Variants in SYNM observed in about 807,000 individuals in gnomAD.
The protein encoded by SYNM is synemin.
A neutral mutation model predicts 104.0 loss-of-function variants in SYNM; 95 were observed. The ratio of observed to expected loss-of-function variants is 0.91; its 90% confidence interval spans 0.77 to 1.08. SYNM has a LOEUF of 1.08. Among genes scored for constraint, SYNM ranks in the 50% least tolerant of loss-of-function variants. SYNM has a pLI of 0.00. For missense variants in SYNM, 2,150 were observed against 2,052.2 expected, an observed-to-expected ratio of 1.05 and a Z score of -0.92; for synonymous variants, 918 against 869.0, an observed-to-expected ratio of 1.06 and a Z score of -0.99.
At chr15:99,139,869 C>T (rs2068026670), downstream of SYNM, 1 of 743,366 alleles carries the variant, frequency 1.3e-6, no homozygotes, top group Admixed American at 3.2e-5. Flanking sequence ...ACCAAATATT[C>T]AGCTTATGGA....
intron 3 of SYNM, among the ~76,000 whole-genome samples, chr15:99,128,135 C>A (rs2067464384): frequency 6.6e-6 from 1 of 152,108 alleles, no homozygotes; most frequent in African/African-American, 2.4e-5. Flanking sequence ...ATAAAAATTA[C>A]TAGTTGGGAA....
intron 1 of SYNM, among the ~76,000 whole-genome samples, chr15:99,113,072 C>G (rs1252685644): frequency 1.3e-5 from 2 of 152,176 alleles, no homozygotes; most frequent in African/African-American, 2.4e-5. Context: ...GCATTTCTCC[C>G]CAGATGATCT....
chr15:99,140,380 A>G (rs2068086331), downstream of SYNM: 1 of 152,052 alleles, frequency 6.6e-6, no homozygotes, highest in South Asian at 2.1e-4. Context: ...ATATATATAT[A>G]TATTTTTTGA....
downstream of SYNM, chr15:99,139,635 T>G (rs115010049): frequency 5.0e-4 from 749 of 1,494,836 alleles, 5 homozygotes; most frequent in African/African-American, 9.6e-3. Flanking sequence ...ACTATCTGTA[T>G]GCAAAAAATA....
downstream of SYNM, chr15:99,139,418 C>T (rs1555489013): frequency 6.2e-7 from 1 of 1,614,088 alleles, no homozygotes; most frequent in Non-Finnish European, 8.5e-7. Flanking sequence ...CACCAAGCAG[C>T]TATCATGAGG....
chr15:99,127,059 C>T (rs576184068), intron 3 of SYNM, among the ~76,000 whole-genome samples: 2 of 152,168 alleles, frequency 1.3e-5, no homozygotes, highest in South Asian at 4.1e-4. Flanking sequence ...TGGCACTGGG[C>T]AGTGTGAGGG....
intron 2 of SYNM, among the ~76,000 whole-genome samples, chr15:99,126,223 C>T (rs1596131365): frequency 6.6e-6 from 1 of 152,182 alleles, no homozygotes; most frequent in East Asian, 1.9e-4. Flanking sequence ...GTCTGGCTGC[C>T]TTATAAGTGT....
chr15:99,139,654 A>C (rs1555489236), downstream of SYNM: 12 of 1,456,918 alleles, frequency 8.2e-6, no homozygotes, highest in Non-Finnish European at 1.1e-5. Context: ...TAGATTTAAA[A>C]GTAGTATTTT....
rs191693164 is a variant in SYNM, at chr15:99,119,867, C to T, written c.935+6152C>T. 1.1e-4 allele frequency among the ~76,000 whole-genome samples: 16 copies of T among 152,310 alleles called. No homozygotes were observed. The East Asian group carries it at 2.7e-3, about 26-fold the overall frequency. On this transcript the variant is annotated intron_variant, in intron 2 of 3. Transcript: ENST00000336292. ...CCATTTGAGTTCTCCAGTGAACATG[C>T]GACTACATTTGCTTTATCTCATGAC...
rs1296957676 is a variant in SYNM at position 99,105,509 on chromosome 15, G to A, written c.310G>A (p.Ala104Thr). ...ELQRLDAEERAARGRLDAELG... is the reference protein window; with the variant it reads ...ELQRLDAEERTARGRLDAELG... ...GCAGCGCCTGGATGCGGAGGAGCGC[G>A]CCGCCCGCGGCCGCCTGGACGCCGA... The change falls in exon 1 of 4, where the codon GCC becomes ACC. Residue 104 changes from alanine (A) to threonine (T), a missense_variant. By Grantham distance (58) the Ala-to-Thr change is moderately conservative. Coordinates refer to ENST00000336292, the MANE Select transcript of SYNM (RefSeq NM_145728.3). 4 of 1,266,906 alleles carry A rather than the reference G, an allele frequency of 3.2e-6. No homozygotes were observed. Among genetic ancestry groups the A allele is most frequent in the South Asian group, 5.3e-5 (2 of 37,916 alleles). 78.5% of individuals were successfully genotyped at this position (1,266,906 alleles called of 1,614,324 possible).
downstream of SYNM, among the ~76,000 whole-genome samples, chr15:99,138,971 C>T (rs531556658): frequency 1.6e-4 from 24 of 152,182 alleles, no homozygotes; most frequent in Admixed American, 7.8e-4. Context: ...CCAGTCCTGA[C>T]GGGCATCCGA....
Position 99,132,036 on chromosome 15 carries a change from A to G in SYNM, c.3676A>G (p.Arg1226Gly). The change falls in exon 4 of 4, where the codon AGA (arginine) becomes GGA (glycine). Residue 1226 changes from arginine to glycine, a missense_variant. Physicochemically the swap from Arg to Gly is moderately radical, Grantham distance 125. Transcript: ENST00000336292. ...AGGGAGGCACAGCACATTTGGCTGCAGACAATTTCATGCTGAAAAGGAGAT... is the reference window on the plus strand; with the variant it reads ...AGGGAGGCACAGCACATTTGGCTGCGGACAATTTCATGCTGAAAAGGAGAT... ...GSGRHSTFGC[R>G]QFHAEKEIIF... 2 of 1,613,990 alleles carry G rather than the reference A, an allele frequency of 1.2e-6. No individual in the cohort carries two copies. The highest frequency in any genetic ancestry group is 2.2e-5 in the South Asian group (2 of 91,088).
At chr15:99,111,106 T>C (rs2067296565) in intron 1 of SYNM, among the ~76,000 whole-genome samples, 1 of 152,240 alleles carries the variant, frequency 6.6e-6, no homozygotes, top group Non-Finnish European at 1.5e-5. Context: ...TTTTCCTCTT[T>C]GTATTTTGTG....
In SYNM at chr15:99,105,579, G is replaced by T; in HGVS notation, c.380G>T (p.Arg127Leu). The T allele has an allele frequency of 8.7e-7, 1 of 1,145,262 alleles. No individual in the cohort carries two copies. Among genetic ancestry groups the T allele is most frequent in the East Asian group, 4.2e-5 (1 of 23,632 alleles). 70.9% of individuals were successfully genotyped at this position (1,145,262 alleles called of 1,614,324 possible). A position where few individuals can be genotyped will look rare whatever the true frequency, so the allele number is the denominator to read the frequency against. ...GAGCTGCAGGAGGCGCTGGGCGCGC[G>T]CGCCGCCCTCGAGGCGCTGCTGGGC... ...QRELQEALGA[R>L]AALEALLGRL... is the part of the protein sequence containing the mutation. The change falls in exon 1 of 4, where the codon CGC (arginine) becomes CTC (leucine). Residue 127 changes from arginine (R) to leucine (L), a missense_variant. Arg to Leu is a moderately radical substitution (Grantham distance 102, BLOSUM62 -2). Transcript: ENST00000336292.
chr15:99,110,933 C>T (rs2067295162), intron 1 of SYNM, among the ~76,000 whole-genome samples: 1 of 152,220 alleles, frequency 6.6e-6, no homozygotes, highest in Non-Finnish European at 1.5e-5. Context: ...TTTTATTCCA[C>T]AGCAGGATTT....
At chr15:99,117,301 G>A (rs1024167007) in intron 2 of SYNM, among the ~76,000 whole-genome samples, 5 of 152,166 alleles carry the variant, frequency 3.3e-5, no homozygotes, top group Admixed American at 6.5e-5. Flanking sequence ...CGTGCCCGTG[G>A]TCATCCTCTC....
downstream of SYNM, chr15:99,139,761 A>G (rs1208830639): frequency 1.5e-6 from 2 of 1,310,610 alleles, no homozygotes; most frequent in African/African-American, 3.0e-5. Flanking sequence ...AAGATTTAAA[A>G]AAATAGTTTT....
chr15:99,114,017 C>T (rs947885285), intron 2 of SYNM, among the ~76,000 whole-genome samples: 1 of 113,022 alleles, frequency 8.8e-6, no homozygotes, highest in Admixed American at 8.8e-5. Flanking sequence ...GTGTTGGATC[C>T]TAGGAACTGG....
In SYNM at chr15:99,105,123, G is replaced by C. The variant is rs1310002695; in HGVS notation, c.-77G>C. On this transcript the variant is annotated 5_prime_UTR_variant, in exon 1 of 4. Coordinates refer to ENST00000336292, the MANE Select transcript of SYNM (RefSeq NM_145728.3). ...GCAGCGGCGAGGCCGGAGCGTCGCG[G>C]CGGAGAGGACGAGACCGGGACAAGA... 2 of 1,471,390 alleles carry C rather than the reference G, an allele frequency of 1.4e-6. No homozygotes were observed. The highest frequency in any genetic ancestry group is 4.1e-5 in the Admixed American group (2 of 48,402). 91.1% of individuals were successfully genotyped at this position (1,471,390 alleles called of 1,614,324 possible).
Sources: gnomAD v4.1 joint callset for allele counts (sites outside exome capture counted in the v4.1 genomes callset) on GRCh38, gnomAD v4.1.1 for gene constraint, MANE v1.5 for transcripts, NCBI Gene and HGNC (gene_info 2026-07-23, HGNC 2026-07-21) for gene names.